Variants in PIK3CA observed in about 807,000 individuals in gnomAD.
The protein encoded by PIK3CA is phosphatidylinositol-4,5-bisphosphate 3-kinase catalytic subunit alpha.
PIK3CA carries 27 observed loss-of-function variants against 138.2 expected under a neutral mutation model. The ratio of observed to expected loss-of-function variants is 0.20; its 90% CI spans 0.14 to 0.27. PIK3CA has a LOEUF of 0.27. Ranked by LOEUF, PIK3CA falls within the 10% of genes least tolerant of loss-of-function variation. The pLI is 1.00. For synonymous variants in PIK3CA, 358 were observed against 413.2 expected, an observed-to-expected ratio of 0.87 and a Z score of 1.62; for missense variants, 544 against 1,277.4, an observed-to-expected ratio of 0.43 and a Z score of 8.75.
intron 1 of PIK3CA, among the ~76,000 whole-genome samples, chr3:179,188,608 T>C (rs1007436025): frequency 1.3e-5 from 2 of 152,192 alleles, no homozygotes; most frequent in African/African-American, 4.8e-5. Flanking sequence ...GATGGTTTAC[T>C]TCTGACTGCC....
chr3:179,227,587 T>C (rs952310547), intron 17 of PIK3CA, among the ~76,000 whole-genome samples: 3 of 152,164 alleles, frequency 2.0e-5, no homozygotes, highest in African/African-American at 4.8e-5. Context: ...GACTCATCAT[T>C]AGTTTTAAGA....
Position 179,239,817 on chromosome 3 carries a change from T to C in PIK3CA, c.*5453T>C. 1 of 495,216 alleles carries C rather than the reference T, an allele frequency of 2.0e-6. No homozygotes were observed. The highest frequency in any genetic ancestry group is 3.6e-6 in the Non-Finnish European group (1 of 276,872). The allele number at this position is 495,216 out of a possible 1,614,324, so 30.7% of individuals were successfully genotyped here. A position where few individuals can be genotyped will look rare whatever the true frequency, so the allele number is the denominator to read the frequency against. Reference sequence around the variant, plus strand: ...AGTGAATTGAAGTCCTGTGGTATACTGCATTCATTAGAAGAAAAACGTTTT... The same window carrying C: ...AGTGAATTGAAGTCCTGTGGTATACCGCATTCATTAGAAGAAAAACGTTTT... On this transcript the variant is annotated 3_prime_UTR_variant, in exon 21 of 21. Transcript: ENST00000263967.
chr3:179,233,467 G>A (rs1725258706), intron 20 of PIK3CA: 1 of 394,758 alleles, frequency 2.5e-6, no homozygotes, highest in Admixed American at 4.4e-5. Context: ...AAAATGGAAA[G>A]GGAATACAAT....
chr3:179,207,413 G>A (rs1394073174), intron 6 of PIK3CA, among the ~76,000 whole-genome samples: 1 of 152,156 alleles, frequency 6.6e-6, no homozygotes, highest in Non-Finnish European at 1.5e-5. Context: ...TTAGCATAGG[G>A]CTGAACAAGT....
chr3:179,178,115 T>G (rs1316592315), intron 1 of PIK3CA, among the ~76,000 whole-genome samples: 91 of 124,162 alleles, frequency 7.3e-4, no homozygotes, highest in East Asian at 3.2e-3. Context: ...GGGTTTTTTT[T>G]TGTGTTTTTT....
intron 1 of PIK3CA, among the ~76,000 whole-genome samples, chr3:179,161,037 C>T (rs1024213888): frequency 2.0e-5 from 3 of 152,148 alleles, no homozygotes; most frequent in Non-Finnish European, 4.4e-5. Flanking sequence ...CCTTCTTCCT[C>T]GGTGTAAGAG....
chr3:179,176,523 G>A (rs1037930724), intron 1 of PIK3CA, among the ~76,000 whole-genome samples: 1 of 152,026 alleles, frequency 6.6e-6, no homozygotes, highest in South Asian at 2.1e-4. Flanking sequence ...TGACACAAAG[G>A]TCTGTACTCT....
At chr3:179,217,501 T>A (rs1412116156) in intron 9 of PIK3CA, among the ~76,000 whole-genome samples, 2 of 152,114 alleles carry the variant, frequency 1.3e-5, no homozygotes, top group African/African-American at 2.4e-5. Context: ...GTGGCATGGA[T>A]GTCTGCTTTC....
intron 1 of PIK3CA, among the ~76,000 whole-genome samples, chr3:179,183,209 A>G (rs548903122): frequency 6.6e-6 from 1 of 152,350 alleles, no homozygotes; most frequent in South Asian, 2.1e-4. Flanking sequence ...CTAACATAAT[A>G]CTAGGATATT....
rs1259573745 is a variant in PIK3CA at position 179,230,432 on chromosome 3, A to C, written c.2936+56A>C. ...AAGAGTTCTGGCTGCTCTATTAGAA[A>C]CAATCAATATTTTTCAAGCAATTTC... On this transcript the variant is annotated intron_variant, in intron 20 of 20. Coordinates refer to ENST00000263967, the MANE Select transcript of PIK3CA (RefSeq NM_006218.4). The surrounding 1 kb of genome is among the most constrained non-coding windows in gnomAD (Gnocchi z 5.4). The C allele has an allele frequency of 7.1e-7, 1 of 1,399,880 alleles. No individual in the cohort carries two copies. The highest frequency in any genetic ancestry group is 9.8e-7 in the Non-Finnish European group (1 of 1,021,820). 86.7% of individuals were successfully genotyped at this position (1,399,880 alleles called of 1,614,324 possible). A position where few individuals can be genotyped will look rare whatever the true frequency, so the allele number is the denominator to read the frequency against.
intron 1 of PIK3CA, among the ~76,000 whole-genome samples, chr3:179,173,079 G>T (rs79335313): frequency 6.6e-6 from 1 of 151,614 alleles, no homozygotes; most frequent in Non-Finnish European, 1.5e-5. Flanking sequence ...TCTTTTTCCC[G>T]TGATTTAATG....
intron 1 of PIK3CA, among the ~76,000 whole-genome samples, chr3:179,185,220 A>G (rs1314778409): frequency 6.6e-6 from 1 of 152,210 alleles, no homozygotes; most frequent in African/African-American, 2.4e-5. Context: ...GATAAACTTC[A>G]GGGGGGAGAA....
intron 1 of PIK3CA, among the ~76,000 whole-genome samples, chr3:179,191,162 C>G (rs1205371715): frequency 6.6e-6 from 1 of 152,140 alleles, no homozygotes; most frequent in Non-Finnish European, 1.5e-5. Flanking sequence ...GATGAAGAGA[C>G]AGAGGTACAG....
intron 6 of PIK3CA, among the ~76,000 whole-genome samples, chr3:179,208,503 A>T (rs563609927): frequency 1.3e-5 from 2 of 152,320 alleles, no homozygotes; most frequent in East Asian, 3.9e-4. Flanking sequence ...GGCAAAAGAC[A>T]AAGCAAGGGT....
At chr3:179,156,243 G>A (rs1055560172) in intron 1 of PIK3CA, among the ~76,000 whole-genome samples, 4 of 152,066 alleles carry the variant, frequency 2.6e-5, no homozygotes, top group East Asian at 1.9e-4. Flanking sequence ...TTTTGAAACC[G>A]TTAGTGACTT....
intron 6 of PIK3CA, among the ~76,000 whole-genome samples, chr3:179,208,747 AGT>A (rs1724632326): frequency 2.6e-5 from 4 of 152,090 alleles, no homozygotes; most frequent in Admixed American, 2.6e-4. Context: ...TTTTTGTAGC[AGT>A]GTTTTATTCT....
intron 9 of PIK3CA, among the ~76,000 whole-genome samples, chr3:179,212,041 C>G (rs1724725028): frequency 6.6e-6 from 1 of 151,992 alleles, no homozygotes; most frequent in Non-Finnish European, 1.5e-5. Context: ...GCGTTTTGCT[C>G]TTGTTGCTCA....
intron 14 of PIK3CA, among the ~76,000 whole-genome samples, chr3:179,223,361 G>A (rs554963781): frequency 2.6e-5 from 4 of 152,136 alleles, no homozygotes; most frequent in Non-Finnish European, 4.4e-5. Context: ...CAGCTATTGC[G>A]TGATAACTCA....
At chr3:179,231,314 G>A (rs1178076816) in intron 20 of PIK3CA, among the ~76,000 whole-genome samples, 3 of 151,922 alleles carry the variant, frequency 2.0e-5, no homozygotes, top group African/African-American at 7.2e-5. Flanking sequence ...CTTTTCCTCT[G>A]GGTAGAGGGA....
Sources: gnomAD v4.1 joint callset for allele counts (sites outside exome capture counted in the v4.1 genomes callset) on GRCh38, gnomAD v4.1.1 for gene constraint, Gnocchi (gnomAD v3.1) non-coding constraint, MANE v1.5 for transcripts, NCBI Gene and HGNC (gene_info 2026-07-23, HGNC 2026-07-21) for gene names.